PEAK1: variants seen among roughly 807,000 people sequenced by gnomAD.
The protein encoded by PEAK1 is pseudopodium enriched atypical kinase 1, also known as inactive tyrosine-protein kinase PEAK1.
A neutral mutation model predicts 124.7 loss-of-function variants in PEAK1; 54 were observed. That is an observed-to-expected ratio of 0.43 (90% confidence interval 0.35 to 0.54). The LOEUF (loss-of-function observed/expected upper bound fraction) is 0.54, where lower values mean the gene tolerates loss of function less well. Among genes scored for constraint, PEAK1 ranks in the 20% least tolerant of loss-of-function variants. The pLI is 0.01. For missense variants in PEAK1, 2,046 were observed against 2,134.5 expected, an observed-to-expected ratio of 0.96 and a Z score of 0.82; for synonymous variants, 719 against 760.0, an observed-to-expected ratio of 0.95 and a Z score of 0.89.
intron 5 of PEAK1, among the ~76,000 whole-genome samples, chr15:77,264,136 A>G (rs1220907376): frequency 6.6e-6 from 1 of 152,170 alleles, no homozygotes; most frequent in Non-Finnish European, 1.5e-5. Flanking sequence ...TGACAAACCC[A>G]CAGCCAACAT....
chr15:77,170,570 T>C (rs780961319), intron 7 of PEAK1, among the ~76,000 whole-genome samples: 1 of 152,144 alleles, frequency 6.6e-6, no homozygotes, highest in Non-Finnish European at 1.5e-5. Context: ...GTTCTCAGAA[T>C]AGATATCAGG....
At chr15:77,124,546 G>A (rs1156710959) in intron 9 of PEAK1, among the ~76,000 whole-genome samples, 1 of 152,118 alleles carries the variant, frequency 6.6e-6, no homozygotes, top group African/African-American at 2.4e-5. Context: ...CACCAGACAT[G>A]GTCTACTGCC....
chr15:77,204,393 T>C (rs755081596), intron 6 of PEAK1, among the ~76,000 whole-genome samples: 20 of 152,340 alleles, frequency 1.3e-4, no homozygotes, highest in Non-Finnish European at 2.6e-4. Flanking sequence ...ATCATACTTC[T>C]TGGCATTTAC....
chr15:77,197,364 A>G (rs1259169314), intron 6 of PEAK1, among the ~76,000 whole-genome samples: 1 of 152,222 alleles, frequency 6.6e-6, no homozygotes, highest in African/African-American at 2.4e-5. Flanking sequence ...TAAAAACAAG[A>G]GGTGAAATTT....
chr15:77,143,530 G>A (rs1209701281), intron 8 of PEAK1, among the ~76,000 whole-genome samples: 1 of 152,118 alleles, frequency 6.6e-6, no homozygotes, highest in African/African-American at 2.4e-5. Flanking sequence ...GTTTCTCGTC[G>A]CATTTCCTCT....
chr15:77,282,511 A>C lies in PEAK1; in HGVS notation c.-275+1372T>G, dbSNP rs569018294. 3.2e-4 allele frequency among the ~76,000 whole-genome samples: 48 copies of C among 152,290 alleles called. 1 individual carries two copies. Among genetic ancestry groups the C allele is most frequent in the Non-Finnish European group, 4.4e-5 (3 of 68,026 alleles). On this transcript the variant is annotated intron_variant, in intron 5 of 9. Transcript: ENST00000682557. ...GAATCACAAGGCCATCCACGTGTACAAAGGGAATGCTTTAATAAGAATGGG... is the reference window on the plus strand; with the variant it reads ...GAATCACAAGGCCATCCACGTGTACCAAGGGAATGCTTTAATAAGAATGGG...
At chr15:77,276,709 G>C (rs1045858879) in intron 5 of PEAK1, among the ~76,000 whole-genome samples, 1 of 152,072 alleles carries the variant, frequency 6.6e-6, no homozygotes, top group African/African-American at 2.4e-5. Context: ...TATTCCACTT[G>C]AGTTCTCCAA....
chr15:77,276,031 AAAC>A (rs992486705), intron 5 of PEAK1, among the ~76,000 whole-genome samples: 41 of 152,166 alleles, frequency 2.7e-4, no homozygotes, highest in African/African-American at 9.2e-4. Flanking sequence ...ACTAAAAATA[AAAC>A]AATAGAAATT....
intron 6 of PEAK1, among the ~76,000 whole-genome samples, chr15:77,191,399 C>A (rs1018723385): frequency 6.6e-6 from 1 of 152,320 alleles, no homozygotes; most frequent in African/African-American, 2.4e-5. Flanking sequence ...CTCCTCCACA[C>A]ATATCCACAC....
At chr15:77,347,587 T>C (rs536664851) in intron 2 of PEAK1, 93 of 985,272 alleles carry the variant, frequency 9.4e-5, no homozygotes, top group Non-Finnish European at 1.1e-4. Flanking sequence ...GTCCTAATAC[T>C]TGTTTGACCT....
At chr15:77,340,549 T>G (rs2066465527) in intron 2 of PEAK1, among the ~76,000 whole-genome samples, 1 of 152,202 alleles carries the variant, frequency 6.6e-6, no homozygotes. Flanking sequence ...CCATTACCAC[T>G]GTAATCGCAG....
Position 77,153,658 on chromosome 15 carries a change from G to T in PEAK1, c.3331+4845C>A, listed in dbSNP as rs1387645297. Among the ~76,000 whole-genome samples the T allele has an allele frequency of 4.6e-5, 7 of 152,278 alleles. No individual in the cohort carries two copies. The East Asian group carries it at 9.7e-4, about 21-fold the overall frequency. ...TTTCCCTCTATGCACTGCTTTGAAT[G>T]TGTCCCAGAGATTCTGGTATGTTGT... On this transcript the variant is annotated intron_variant, in intron 8 of 9. Coordinates refer to ENST00000682557, the MANE Select transcript of PEAK1 (RefSeq NM_001385026.1).
intron 2 of PEAK1, among the ~76,000 whole-genome samples, chr15:77,292,061 A>G (rs1342957802): frequency 6.6e-6 from 1 of 152,104 alleles, no homozygotes; most frequent in Non-Finnish European, 1.5e-5. Flanking sequence ...CTGTACAAAT[A>G]TAAGGGTTAT....
intron 1 of PEAK1, chr15:77,404,442 A>C (rs1046622853): frequency 3.1e-6 from 2 of 644,994 alleles, no homozygotes; most frequent in African/African-American, 4.0e-5. Context: ...CAGAAAAAAT[A>C]GAATGTAAAA....
intron 2 of PEAK1, among the ~76,000 whole-genome samples, chr15:77,361,608 C>T (rs2067890410): frequency 6.6e-6 from 1 of 152,134 alleles, no homozygotes; most frequent in Middle Eastern, 3.2e-3. Flanking sequence ...GAAAAAGGAA[C>T]TCTTATATAC....
At chr15:77,190,112 TTA>T (rs1395454746) in intron 6 of PEAK1, among the ~76,000 whole-genome samples, 6 of 152,212 alleles carry the variant, frequency 3.9e-5, no homozygotes, top group African/African-American at 1.4e-4. Flanking sequence ...TTGTGTTACT[TTA>T]TGTTTGGCAG....
intron 1 of PEAK1, among the ~76,000 whole-genome samples, chr15:77,373,195 T>C (rs911747962): frequency 2.6e-5 from 4 of 152,210 alleles, no homozygotes; most frequent in African/African-American, 9.7e-5. Context: ...GAATCCACTA[T>C]GCTCTCTTAT....
rs1226142073 is a variant in PEAK1 at position 77,181,947 on chromosome 15, A to G, written c.-21T>C. On this transcript the variant is annotated 5_prime_UTR_variant, in exon 7 of 10. Coordinates refer to ENST00000682557, the MANE Select transcript of PEAK1 (RefSeq NM_001385026.1). ...GACATTTTTAAAAATAGAACTTCAC[A>G]GACAATGCTTTTCTTTCAGTGCATG... 1 of 1,528,744 alleles carries G rather than the reference A, an allele frequency of 6.5e-7. No homozygotes were observed. Among genetic ancestry groups the G allele is most frequent in the Admixed American group, 2.2e-5 (1 of 46,218 alleles). The allele number at this position is 1,528,744 out of a possible 1,614,324, so 94.7% of individuals were successfully genotyped here. A position where few individuals can be genotyped will look rare whatever the true frequency, so the allele number is the denominator to read the frequency against.
intron 2 of PEAK1, among the ~76,000 whole-genome samples, chr15:77,336,759 T>C (rs1370001996): frequency 2.0e-5 from 3 of 151,912 alleles, no homozygotes; most frequent in Non-Finnish European, 1.5e-5. Context: ...ATCAGAAAAA[T>C]GTATAAATAA....
Sources: allele counts gnomAD v4.1 joint callset (sites outside exome capture counted in the v4.1 genomes callset), GRCh38; gene constraint gnomAD v4.1.1; transcripts MANE v1.5; gene names NCBI Gene and HGNC (gene_info 2026-07-23, HGNC 2026-07-21).